Variants in MRPL13 observed in about 807,000 individuals in gnomAD.
The protein encoded by MRPL13 is large ribosomal subunit protein uL13m.
Under a neutral mutation model 29.0 loss-of-function variants are expected in MRPL13, and 33 were observed. That is an observed-to-expected ratio of 1.14 (90% CI 0.86 to 1.52). The LOEUF (loss-of-function observed/expected upper bound fraction) is 1.52, where lower values mean the gene tolerates loss of function less well. MRPL13 is among the 40% of genes most tolerant of loss of function. The pLI is 0.00. For synonymous variants in MRPL13, 77 were observed against 68.4 expected (o/e 1.13, Z -0.62); for missense variants, 227 against 216.7 (o/e 1.05, Z -0.30).
intron 2 of MRPL13, 28 bp from the exon 3 acceptor site, chr8:120,432,151 G>C: frequency 1.3e-6 from 2 of 1,517,432 alleles, no homozygotes; most frequent in South Asian, 2.6e-5. Context: ...ACAAGATTTT[G>C]TAAGAAAAAT....
rs1026414737 is a variant in MRPL13 at position 120,445,012 on chromosome 8, C to A, written c.27+56G>T. 4 of 1,611,844 alleles carry A rather than the reference C, an allele frequency of 2.5e-6. No homozygotes were observed. In the East Asian group the frequency reaches 8.9e-5, roughly 36 times the overall value. On this transcript the variant is annotated intron_variant, in intron 1 of 6. Transcript: ENST00000306185. ...TCACTACTTAATCTGCCGGAACCAA[C>A]GCTCTCCTTCTGCCAGTATAATGAA...
chr8:120,441,549 CAGATGA>C (rs1813124529), intron 2 of MRPL13, among the ~76,000 whole-genome samples: 2 of 152,004 alleles, frequency 1.3e-5, no homozygotes, highest in African/African-American at 2.4e-5. Context: ...GAAAGTTCTC[CAGATGA>C]AAATTAGCCT....
intron 2 of MRPL13, among the ~76,000 whole-genome samples, chr8:120,433,701 T>C (rs1262268336): frequency 1.3e-5 from 2 of 152,106 alleles, no homozygotes; most frequent in African/African-American, 4.8e-5. Flanking sequence ...AGCATTTCTC[T>C]ACTAACTCTA....
At chr8:120,401,423 A>G (rs1812596531) in intron 6 of MRPL13, among the ~76,000 whole-genome samples, 1 of 152,184 alleles carries the variant, frequency 6.6e-6, no homozygotes, top group African/African-American at 2.4e-5. Flanking sequence ...CTCAACAGAC[A>G]CAGAAAAAGC....
At chr8:120,429,499 AAAAAAAC>A (rs1037538620) in intron 3 of MRPL13, among the ~76,000 whole-genome samples, 4 of 152,024 alleles carry the variant, frequency 2.6e-5, no homozygotes, top group African/African-American at 9.7e-5. Flanking sequence ...AAGTTAAAAA[AAAAAAAC>A]AAAAAACAAG....
At chr8:120,400,285 C>T (rs1223997529) in intron 6 of MRPL13, among the ~76,000 whole-genome samples, 1 of 152,174 alleles carries the variant, frequency 6.6e-6, no homozygotes, top group African/African-American at 2.4e-5. Context: ...TCTCTCAGAT[C>T]ACAGTGCAAT....
At chr8:120,424,260 T>C (rs1410957995) in intron 4 of MRPL13, among the ~76,000 whole-genome samples, 1 of 152,084 alleles carries the variant, frequency 6.6e-6, no homozygotes. Flanking sequence ...AGATTCCAAT[T>C]CCAATCTTAA....
At chr8:120,444,387 C>A (rs1276067403) in intron 1 of MRPL13, among the ~76,000 whole-genome samples, 3 of 152,152 alleles carry the variant, frequency 2.0e-5, no homozygotes, top group African/African-American at 7.2e-5. Context: ...CCTTCCCTAT[C>A]TCAGTTGATG....
chr8:120,399,194 C>T (rs1048167015), intron 6 of MRPL13, among the ~76,000 whole-genome samples: 1 of 152,096 alleles, frequency 6.6e-6, no homozygotes, highest in Non-Finnish European at 1.5e-5. Context: ...ACATAATCTT[C>T]AGATTCTCCA....
rs930657933 is a variant in MRPL13 at position 120,404,356 on chromosome 8, T to C, written c.516-8231A>G. Among the ~76,000 whole-genome samples the C allele has an allele frequency of 2.6e-5, 4 of 152,318 alleles. No homozygotes were observed. In the East Asian group the frequency reaches 7.7e-4, roughly 29 times the overall value. ...TGAAATGAAATGACAATACCACCTT[T>C]CAGTGGAATTTAGAAGTAAAATTGA... On this transcript the variant is annotated intron_variant, in intron 6 of 6. Transcript: ENST00000306185.
chr8:120,408,229 AC>A (rs1398996513), intron 6 of MRPL13, among the ~76,000 whole-genome samples: 1 of 152,228 alleles, frequency 6.6e-6, no homozygotes, highest in African/African-American at 2.4e-5. Context: ...TTTTAAATAA[AC>A]TAAACCTGTA....
intron 2 of MRPL13, among the ~76,000 whole-genome samples, chr8:120,433,517 C>T (rs1563776765): frequency 6.6e-6 from 1 of 151,946 alleles, no homozygotes; most frequent in South Asian, 2.1e-4. Flanking sequence ...GCATCTCGAG[C>T]CACTCAAAAA....
intron 2 of MRPL13, among the ~76,000 whole-genome samples, chr8:120,439,349 T>A (rs1241087236): frequency 6.6e-6 from 1 of 152,232 alleles, no homozygotes; most frequent in Non-Finnish European, 1.5e-5. Context: ...GGCTGTGTTG[T>A]TGCCTTATAG....
At chr8:120,410,861 G>A (rs1434631641) in intron 6 of MRPL13, among the ~76,000 whole-genome samples, 1 of 151,168 alleles carries the variant, frequency 6.6e-6, no homozygotes, top group African/African-American at 2.4e-5. Flanking sequence ...GGCAACCTCC[G>A]CCTCCCGGGT....
chr8:120,418,660 T>C (rs972572276), intron 5 of MRPL13, among the ~76,000 whole-genome samples: 7 of 152,074 alleles, frequency 4.6e-5, no homozygotes, highest in Admixed American at 1.3e-4. Flanking sequence ...CTCAAACGTA[T>C]CTTGTAAATG....
At position 120,439,882 on chromosome 8, in the gene MRPL13, T is replaced by C. The variant is rs146102710; in HGVS notation, c.151+3303A>G. On this transcript the variant is annotated intron_variant, in intron 2 of 6. Coordinates refer to ENST00000306185, the MANE Select transcript of MRPL13 (RefSeq NM_014078.6). ...TGGAATACTCTTCCTCTTAGCTCCA[T>C]AGATCCAAAAATCTGACTTAGCTTC... is the stretch of plus-strand genomic sequence containing the variant. Among the ~76,000 whole-genome samples, 459 of 152,334 alleles carry C rather than the reference T, an allele frequency of 3.0e-3. 4 individuals are homozygous for C. Among genetic ancestry groups the C allele is most frequent in the African/African-American group, 0.011 (441 of 41,582 alleles).
intron 6 of MRPL13, among the ~76,000 whole-genome samples, chr8:120,400,697 AAAATAAATAAATAAATAAATAAAT>A (rs199590776): frequency 2.3e-5 from 3 of 132,048 alleles, no homozygotes; most frequent in South Asian, 2.5e-4. Context: ...GGTTTTTTGG[AAAATAAATAAATAAATAAATAAAT>A]AAATAAATAA....
intron 6 of MRPL13, among the ~76,000 whole-genome samples, chr8:120,407,292 G>A (rs576311953): frequency 1.3e-5 from 2 of 152,108 alleles, no homozygotes; most frequent in African/African-American, 4.8e-5. Flanking sequence ...AAAATGGTAG[G>A]AAAAATTTAC....
At position 120,409,454 on chromosome 8, in the gene MRPL13, C is replaced by G. The variant is rs1020662908; in HGVS notation, c.515+4537G>C. ...GGGGTTGTGAAATGTGTTGGCAAAA[C>G]TGCAATAATCATGTAACAATTGATA... is the stretch of plus-strand genomic sequence containing the variant. On this transcript the variant is annotated intron_variant, in intron 6 of 6. Transcript: ENST00000306185. Among the ~76,000 whole-genome samples the G allele has an allele frequency of 8.5e-5, 13 of 152,156 alleles. 1 individual carries two copies. In the East Asian group the frequency reaches 1.5e-3, roughly 18 times the overall value.
Sources: gnomAD v4.1 joint callset for allele counts (sites outside exome capture counted in the v4.1 genomes callset) on GRCh38, gnomAD v4.1.1 for gene constraint, MANE v1.5 for transcripts, NCBI Gene and HGNC (gene_info 2026-07-23, HGNC 2026-07-21) for gene names.